The following B3GLCT variants were observed in gnomAD, a reference collection of about 807,000 sequenced individuals.
B3GLCT encodes the protein beta 3-glucosyltransferase.
B3GLCT carries 65 observed loss-of-function variants against 63.4 expected under a neutral mutation model. The observed-to-expected ratio is 1.03, with a 90% confidence interval of 0.84 to 1.26. B3GLCT has a LOEUF of 1.26. B3GLCT is among the 50% of genes most tolerant of loss of function. The pLI is 0.00. For missense variants in B3GLCT, 577 were observed against 604.8 expected, an observed-to-expected ratio of 0.95 and a Z score of 0.48; for synonymous variants, 233 against 219.2, an observed-to-expected ratio of 1.06 and a Z score of -0.55.
intron 12 of B3GLCT, chr13:31,311,705 CAT>C (rs1285859792): frequency 6.6e-6 from 1 of 152,192 alleles, no homozygotes; most frequent in African/African-American, 2.4e-5. Context: ...ACCAGGTCCA[CAT>C]GTCTTTATGT....
At chr13:31,277,117 G>A (rs1231825084) in intron 10 of B3GLCT, among the ~76,000 whole-genome samples, 8 of 152,122 alleles carry the variant, frequency 5.3e-5, no homozygotes, top group Non-Finnish European at 5.9e-5. Context: ...GTCTCTAAAC[G>A]GGATGAAGAA....
At chr13:31,316,275 C>G (rs1289464714) in intron 12 of B3GLCT, among the ~76,000 whole-genome samples, 1 of 151,106 alleles carries the variant, frequency 6.6e-6, no homozygotes, top group Non-Finnish European at 1.5e-5. Flanking sequence ...CACTTAATAC[C>G]AGCCTGTGAA....
At chr13:31,268,516 A>G (rs1189168176) in intron 7 of B3GLCT, among the ~76,000 whole-genome samples, 3 of 152,188 alleles carry the variant, frequency 2.0e-5, no homozygotes, top group Non-Finnish European at 4.4e-5. Context: ...AAACCTGGAA[A>G]AGTTTTACAG....
intron 12 of B3GLCT, among the ~76,000 whole-genome samples, chr13:31,291,791 T>C (rs1235754618): frequency 6.6e-6 from 1 of 152,162 alleles, no homozygotes; most frequent in African/African-American, 2.4e-5. Flanking sequence ...TCTCTTCCTA[T>C]TTGAATATCC....
chr13:31,319,181 C>G (rs1161927152), intron 13 of B3GLCT, among the ~76,000 whole-genome samples: 1 of 152,232 alleles, frequency 6.6e-6, no homozygotes. Flanking sequence ...TCCCTTGCCC[C>G]TGGCAGGCTG....
At chr13:31,310,563 C>A (rs1388576109) in intron 12 of B3GLCT, among the ~76,000 whole-genome samples, 4 of 152,202 alleles carry the variant, frequency 2.6e-5, no homozygotes, top group Non-Finnish European at 4.4e-5. Flanking sequence ...TGGTGCTGGG[C>A]AGCTGCCCCA....
intron 2 of B3GLCT, among the ~76,000 whole-genome samples, chr13:31,222,366 G>A (rs556665757): frequency 2.0e-5 from 3 of 152,136 alleles, no homozygotes; most frequent in South Asian, 2.1e-4. Context: ...ATGAGCCACC[G>A]CACCCGGCCT....
At chr13:31,253,009 A>G (rs1316506300) in intron 6 of B3GLCT, among the ~76,000 whole-genome samples, 2 of 152,188 alleles carry the variant, frequency 1.3e-5, no homozygotes, top group Admixed American at 1.3e-4. Flanking sequence ...CATAACAAAC[A>G]GTCTCTCAGA....
chr13:31,266,530 T>C (rs1484258363), intron 7 of B3GLCT, among the ~76,000 whole-genome samples: 2 of 152,178 alleles, frequency 1.3e-5, no homozygotes, highest in African/African-American at 4.8e-5. Context: ...GTTACCACTA[T>C]TAGGTATTGC....
intron 3 of B3GLCT, among the ~76,000 whole-genome samples, chr13:31,223,826 G>A (rs892729614): frequency 5.3e-5 from 8 of 152,122 alleles, no homozygotes; most frequent in African/African-American, 1.9e-4. Context: ...GGTGTCAGGG[G>A]GTATGCGGTC....
chr13:31,313,574 A>G (rs928870765), intron 12 of B3GLCT, among the ~76,000 whole-genome samples: 13 of 152,220 alleles, frequency 8.5e-5, no homozygotes, highest in Non-Finnish European at 1.5e-4. Flanking sequence ...CTAAGCAGAA[A>G]AGCATTCAAG....
rs191570850 is a variant in B3GLCT, at chr13:31,317,615, G to A, written c.1114G>A (p.Val372Met). 3.1e-6 allele frequency: 5 copies of A among 1,614,100 alleles called. No homozygotes were observed. The highest frequency in any genetic ancestry group is 4.2e-6 in the Non-Finnish European group (5 of 1,179,994). Residue 372 changes from valine (V) to methionine (M), a missense_variant, in exon 13 of 15, where the codon GTG becomes ATG. Val to Met is a conservative substitution (Grantham distance 21). Coordinates refer to ENST00000343307, the MANE Select transcript of B3GLCT (RefSeq NM_194318.4). ...LLSCYDSGEPVFLGERYGYGL... is the reference protein window; with the variant it reads ...LLSCYDSGEPMFLGERYGYGL... Reference sequence around the variant, plus strand: ...TAGCTGTTATGACTCCGGCGAGCCTGTGTTTCTGGGAGAGCGCTACGGCTA... The same window carrying A: ...TAGCTGTTATGACTCCGGCGAGCCTATGTTTCTGGGAGAGCGCTACGGCTA...
intron 1 of B3GLCT, among the ~76,000 whole-genome samples, chr13:31,203,618 A>G (rs1868793261): frequency 6.6e-6 from 1 of 152,242 alleles, no homozygotes; most frequent in Non-Finnish European, 1.5e-5. Context: ...ATTTTTAGGC[A>G]TAAAGGTACT....
intron 10 of B3GLCT, 71 bp from the exon 11 acceptor site, chr13:31,284,577 A>G (rs1873224220): frequency 2.4e-6 from 2 of 841,608 alleles, no homozygotes; most frequent in South Asian, 1.4e-5. Flanking sequence ...AGATGATTAT[A>G]CTGCCATTTT....
intron 1 of B3GLCT, among the ~76,000 whole-genome samples, chr13:31,206,135 G>A (rs939196996): frequency 3.3e-5 from 5 of 152,184 alleles, no homozygotes; most frequent in Admixed American, 2.0e-4. Flanking sequence ...AGTAAAGGAC[G>A]TTAAATGGCC....
chr13:31,266,356 G>C (rs1872323871), intron 7 of B3GLCT, among the ~76,000 whole-genome samples: 1 of 152,106 alleles, frequency 6.6e-6, no homozygotes, highest in South Asian at 2.1e-4. Context: ...GGAAAGCTAA[G>C]TACCAAACTT....
At chr13:31,245,663 G>A (rs1284597952) in intron 4 of B3GLCT, among the ~76,000 whole-genome samples, 1 of 151,744 alleles carries the variant, frequency 6.6e-6, no homozygotes, top group Admixed American at 6.6e-5. Flanking sequence ...TTCTTTTCTT[G>A]TCTAGCTCAC....
At chr13:31,226,458 C>T (rs1870107595) in intron 3 of B3GLCT, among the ~76,000 whole-genome samples, 1 of 152,198 alleles carries the variant, frequency 6.6e-6, no homozygotes, top group Admixed American at 6.5e-5. Context: ...GAAGAATTTG[C>T]TCTTTAATCT....
At chr13:31,263,569 G>C (rs1035552214) in intron 7 of B3GLCT, among the ~76,000 whole-genome samples, 5 of 152,124 alleles carry the variant, frequency 3.3e-5, no homozygotes, top group East Asian at 3.8e-4. Flanking sequence ...CCTCATTACT[G>C]TCTCATGCTC....
Sources: gnomAD v4.1 joint callset for allele counts (sites outside exome capture counted in the v4.1 genomes callset) on GRCh38, gnomAD v4.1.1 for gene constraint, MANE v1.5 for transcripts, NCBI Gene and HGNC (gene_info 2026-07-23, HGNC 2026-07-21) for gene names.